The following SGCZ variants were observed in gnomAD, a reference collection of about 807,000 sequenced individuals.
SGCZ encodes sarcoglycan zeta.
SGCZ carries 40 observed loss-of-function variants against 41.3 expected under a neutral mutation model. The ratio of observed to expected loss-of-function variants is 0.97; its 90% CI spans 0.75 to 1.26. The LOEUF is 1.26. Ranked by LOEUF, SGCZ falls within the 50% of genes most tolerant of loss-of-function variation. The pLI, the probability that SGCZ is intolerant of heterozygous loss-of-function variation, is 0.00. For missense variants in SGCZ, 552 were observed against 369.8 expected (o/e 1.49, Z -4.04); for synonymous variants, 206 against 137.5 (o/e 1.50, Z -3.49).
chr8:14,661,711 G>A (rs1490644431), intron 1 of SGCZ, among the ~76,000 whole-genome samples: 5 of 151,754 alleles, frequency 3.3e-5, no homozygotes, highest in African/African-American at 7.3e-5. Flanking sequence ...TTGGGTTCTT[G>A]GATCAAAAAG....
At chr8:14,255,112 A>G (rs962436665) in intron 3 of SGCZ, among the ~76,000 whole-genome samples, 56 of 151,934 alleles carry the variant, frequency 3.7e-4, no homozygotes, top group Admixed American at 2.2e-3. Context: ...CTCCCCCTTA[A>G]CCTTTAAAGT....
chr8:14,101,388 AGAGGTTATCT>A (rs148235323), intron 7 of SGCZ, among the ~76,000 whole-genome samples: 1,932 of 151,438 alleles, frequency 0.013, 38 homozygotes, highest in African/African-American at 0.043. Context: ...AAAATTGGGG[AGAGGTTATCT>A]GAGGTTATCT....
intron 1 of SGCZ, among the ~76,000 whole-genome samples, chr8:15,162,488 T>C (rs74433511): frequency 0.02 from 3,104 of 152,346 alleles, 110 homozygotes; most frequent in African/African-American, 0.071. Context: ...GGATAGATAC[T>C]CCTTCATGAC....
intron 1 of SGCZ, among the ~76,000 whole-genome samples, chr8:14,908,082 G>A (rs1799171909): frequency 6.6e-6 from 1 of 152,004 alleles, no homozygotes; most frequent in Non-Finnish European, 1.5e-5. Context: ...TTCTGGTTTT[G>A]TTACTTATGT....
intron 1 of SGCZ, among the ~76,000 whole-genome samples, chr8:14,617,616 C>A (rs570853176): frequency 6.6e-6 from 1 of 152,220 alleles, no homozygotes; most frequent in South Asian, 2.1e-4. Context: ...ATTCAGAGAA[C>A]AGAGAACTAA....
intron 4 of SGCZ, among the ~76,000 whole-genome samples, chr8:14,201,504 G>A (rs1398725627): frequency 6.6e-6 from 1 of 152,126 alleles, no homozygotes; most frequent in Non-Finnish European, 1.5e-5. Flanking sequence ...AATCCATTGT[G>A]CTGAGTGAAA....
At chr8:14,275,512 C>T (rs1459527715) in intron 3 of SGCZ, among the ~76,000 whole-genome samples, 4 of 152,140 alleles carry the variant, frequency 2.6e-5, no homozygotes, top group Non-Finnish European at 5.9e-5. Context: ...TGTTTGATCA[C>T]TCAGCACTTC....
At chr8:14,346,758 T>C (rs186379648) in intron 2 of SGCZ, among the ~76,000 whole-genome samples, 196 of 152,198 alleles carry the variant, frequency 1.3e-3, no homozygotes, top group African/African-American at 4.5e-3. Flanking sequence ...TAATAATTTT[T>C]GTAGTTAATG....
chr8:14,420,036 T>G (rs1201321960), intron 2 of SGCZ, among the ~76,000 whole-genome samples: 1 of 152,096 alleles, frequency 6.6e-6, no homozygotes, highest in Non-Finnish European at 1.5e-5. Flanking sequence ...TAACGATCCT[T>G]TCCAGTATCT....
intron 1 of SGCZ, among the ~76,000 whole-genome samples, chr8:14,726,262 C>CAAAAA (rs35093191): frequency 1.0e-5 from 1 of 99,230 alleles, no homozygotes; most frequent in Non-Finnish European, 1.9e-5. Context: ...GACTCTGTCT[C>CAAAAA]AAAAAAAAAA....
At chr8:14,392,940 C>T (rs1804826933) in intron 2 of SGCZ, among the ~76,000 whole-genome samples, 3 of 151,926 alleles carry the variant, frequency 2.0e-5, no homozygotes, top group African/African-American at 7.3e-5. Context: ...AAACTGTTAG[C>T]TTACTTTTTA....
chr8:14,690,560 T>G (rs777217280), intron 1 of SGCZ: 7 of 152,120 alleles, frequency 4.6e-5, no homozygotes, highest in Non-Finnish European at 1.0e-4. Flanking sequence ...CGACCAAGAA[T>G]GACACCATGA....
chr8:14,800,046 T>G (rs534206243), intron 1 of SGCZ, among the ~76,000 whole-genome samples: 1 of 152,348 alleles, frequency 6.6e-6, no homozygotes, highest in South Asian at 2.1e-4. Flanking sequence ...AGAGGTTAGC[T>G]ATTCCAAAAC....
At chr8:14,223,551 T>TC (rs1806275639) in intron 4 of SGCZ, among the ~76,000 whole-genome samples, 2 of 151,906 alleles carry the variant, frequency 1.3e-5, no homozygotes, top group Admixed American at 1.3e-4. Context: ...TATATATATT[T>TC]TAACAGAATT....
At chr8:14,796,834 C>G (rs532072276) in intron 1 of SGCZ, among the ~76,000 whole-genome samples, 6 of 152,240 alleles carry the variant, frequency 3.9e-5, no homozygotes, top group African/African-American at 1.4e-4. Flanking sequence ...TTCGCCCATG[C>G]TACTCTCAAG....
At position 14,370,828 on chromosome 8, in the gene SGCZ, T is replaced by C. The variant is rs1427384379; in HGVS notation, c.235-46624A>G. Reference sequence around the variant, plus strand: ...CATTAATAAAACTCATAGTTTTTGGTAAAAATTTAAATTGATTAATACAAT... The same window carrying C: ...CATTAATAAAACTCATAGTTTTTGGCAAAAATTTAAATTGATTAATACAAT... On this transcript the variant is annotated intron_variant, in intron 2 of 7. Coordinates refer to ENST00000382080, the MANE Select transcript of SGCZ (RefSeq NM_139167.4). Among the ~76,000 whole-genome samples, 3 of 152,054 alleles carry C rather than the reference T, an allele frequency of 2.0e-5. No homozygotes were observed. In the East Asian group the frequency reaches 5.8e-4, roughly 29 times the overall value.
Position 14,988,481 on chromosome 8 carries a change from TA to T in SGCZ, c.39+249103del, listed in dbSNP as rs1169999787. Among the ~76,000 whole-genome samples the T allele has an allele frequency of 2.6e-5, 4 of 152,196 alleles. No individual in the cohort carries two copies. The East Asian group carries it at 7.7e-4, about 29-fold the overall frequency. On this transcript the variant is annotated intron_variant, in intron 1 of 7. Coordinates refer to ENST00000382080, the MANE Select transcript of SGCZ (RefSeq NM_139167.4). Reference sequence around the variant, plus strand: ...TGACAAGCTTCTTTTATCTATATTATAAAATTCATTATTGGCCTAAATATGG... The same window carrying T: ...TGACAAGCTTCTTTTATCTATATTATAAATTCATTATTGGCCTAAATATGG...
At chr8:14,488,359 C>G (rs574950751) in intron 2 of SGCZ, among the ~76,000 whole-genome samples, 69 of 82,712 alleles carry the variant, frequency 8.3e-4, no homozygotes, top group African/African-American at 3.1e-3. Flanking sequence ...CTGTTTTCAT[C>G]CATTGCTTAT....
rs13251327 is a variant in SGCZ at position 14,652,548 on chromosome 8, G to A, written c.40-97622C>T. Reference sequence around the variant, plus strand: ...TATGCAGAGCTGCAATTTGTTCAGTGAATTCCGACAGCAAGAATTTAGCCC... The same window carrying A: ...TATGCAGAGCTGCAATTTGTTCAGTAAATTCCGACAGCAAGAATTTAGCCC... On this transcript the variant is annotated intron_variant, in intron 1 of 7. Coordinates refer to ENST00000382080, the MANE Select transcript of SGCZ (RefSeq NM_139167.4). Among the ~76,000 whole-genome samples, 1,365 of 152,014 alleles carry A rather than the reference G, an allele frequency of 9.0e-3. 11 individuals carry two copies. The highest frequency in any genetic ancestry group is 0.013 in the Non-Finnish European group (914 of 68,006).
Sources: allele counts gnomAD v4.1 joint callset (sites outside exome capture counted in the v4.1 genomes callset), GRCh38; gene constraint gnomAD v4.1.1; transcripts MANE v1.5; gene names NCBI Gene and HGNC (gene_info 2026-07-23, HGNC 2026-07-21).